Variants in KCTD16 observed in about 807,000 individuals in gnomAD.
KCTD16 encodes potassium channel tetramerization domain containing 16.
A neutral mutation model predicts 33.2 loss-of-function variants in KCTD16; 13 were observed. The observed-to-expected ratio is 0.39, with a 90% CI of 0.25 to 0.62. The LOEUF (loss-of-function observed/expected upper bound fraction) is 0.62, where lower values mean the gene tolerates loss of function less well. Among genes scored for constraint, KCTD16 ranks in the 20% least tolerant of loss-of-function variants. The pLI, the probability that KCTD16 is intolerant of heterozygous loss-of-function variation, is 0.50. For missense variants in KCTD16, 441 were observed against 525.1 expected (o/e 0.84, Z 1.57); for synonymous variants, 197 against 195.3 (o/e 1.01, Z -0.07).
intron 3 of KCTD16, among the ~76,000 whole-genome samples, chr5:144,231,683 G>A (rs1054601867): frequency 3.9e-5 from 6 of 152,132 alleles, no homozygotes; most frequent in African/African-American, 1.4e-4. Flanking sequence ...CTGTTCTCAT[G>A]ATAGTGAATT....
chr5:144,415,996 A>G (rs1753045437), intron 3 of KCTD16, among the ~76,000 whole-genome samples: 1 of 152,218 alleles, frequency 6.6e-6, no homozygotes, highest in Admixed American at 6.5e-5. Context: ...CTTACAGTGT[A>G]GAATGGGTGA....
intron 3 of KCTD16, among the ~76,000 whole-genome samples, chr5:144,389,339 C>T (rs908700102): frequency 6.6e-6 from 1 of 152,116 alleles, no homozygotes; most frequent in Non-Finnish European, 1.5e-5. Flanking sequence ...CCATCACTTG[C>T]ACCCCTGCCT....
chr5:144,187,792 G>A (rs758560513), intron 2 of KCTD16, among the ~76,000 whole-genome samples: 7 of 152,140 alleles, frequency 4.6e-5, no homozygotes, highest in Non-Finnish European at 8.8e-5. Context: ...AGATGTCTTA[G>A]GTTGTGTTAA....
intron 3 of KCTD16, among the ~76,000 whole-genome samples, chr5:144,310,018 G>C (rs759285024): frequency 2.0e-5 from 3 of 148,834 alleles, no homozygotes; most frequent in Non-Finnish European, 4.4e-5. Context: ...TTTGTTTTAA[G>C]CCAGCAGAAA....
At chr5:144,271,766 C>CAG (rs1755300938) in intron 3 of KCTD16, among the ~76,000 whole-genome samples, 1 of 94,350 alleles carries the variant, frequency 1.1e-5, no homozygotes, top group African/African-American at 3.1e-5. Context: ...AAACTACACA[C>CAG]ACACACACAC....
chr5:144,455,620 C>G (rs1288883219), intron 3 of KCTD16, among the ~76,000 whole-genome samples: 2 of 152,030 alleles, frequency 1.3e-5, no homozygotes, highest in Non-Finnish European at 2.9e-5. Flanking sequence ...AGAGTTGGGA[C>G]TGAAGGATGG....
At chr5:144,397,129 T>C (rs1752587353) in intron 3 of KCTD16, among the ~76,000 whole-genome samples, 1 of 132,840 alleles carries the variant, frequency 7.5e-6, no homozygotes, top group African/African-American at 2.8e-5. Flanking sequence ...TGTGTCCAAG[T>C]GTTCTCATTG....
chr5:144,264,859 C>T (rs1341536318), intron 3 of KCTD16, among the ~76,000 whole-genome samples: 1 of 152,164 alleles, frequency 6.6e-6, no homozygotes, highest in Admixed American at 6.5e-5. Flanking sequence ...TTAGTCAAAA[C>T]TCATATACAT....
intron 3 of KCTD16, among the ~76,000 whole-genome samples, chr5:144,434,099 G>T (rs2126971437): frequency 6.6e-6 from 1 of 152,262 alleles, no homozygotes; most frequent in African/African-American, 2.4e-5. Flanking sequence ...TGAAACTAAA[G>T]GATCCACTGA....
chr5:144,299,704 T>C (rs1561559118), intron 3 of KCTD16, among the ~76,000 whole-genome samples: 1 of 152,178 alleles, frequency 6.6e-6, no homozygotes. Context: ...TGTAACTTAA[T>C]GAAAGCAACA....
intron 3 of KCTD16, among the ~76,000 whole-genome samples, chr5:144,304,529 G>C (rs528317818): frequency 1.3e-5 from 2 of 152,170 alleles, no homozygotes; most frequent in Non-Finnish European, 2.9e-5. Context: ...GCTTAATTAC[G>C]CTTCACAGAC....
intron 3 of KCTD16, among the ~76,000 whole-genome samples, chr5:144,242,148 T>TA (rs146023971): frequency 0.011 from 1,705 of 152,230 alleles, 33 homozygotes; most frequent in African/African-American, 0.038. Context: ...AGCTTATTAT[T>TA]TTTAAGTATG....
chr5:144,440,668 CT>C (rs1480469073), intron 3 of KCTD16, among the ~76,000 whole-genome samples: 1 of 145,482 alleles, frequency 6.9e-6, no homozygotes. Flanking sequence ...CCTATCTCTA[CT>C]GAAAAAAAAA....
At chr5:144,191,410 C>T (rs543222146) in intron 2 of KCTD16, among the ~76,000 whole-genome samples, 1 of 152,318 alleles carries the variant, frequency 6.6e-6, no homozygotes, top group African/African-American at 2.4e-5. Flanking sequence ...GGATAATTGA[C>T]TGTTCTTTTC....
intron 3 of KCTD16, among the ~76,000 whole-genome samples, chr5:144,436,706 C>T (rs528205874): frequency 1.3e-5 from 2 of 151,632 alleles, no homozygotes; most frequent in South Asian, 2.1e-4. Context: ...TTCTGCCTCA[C>T]CCTCCTGAGT....
At chr5:144,447,593 A>G (rs369242555) in intron 3 of KCTD16, among the ~76,000 whole-genome samples, 46 of 152,166 alleles carry the variant, frequency 3.0e-4, no homozygotes, top group African/African-American at 1.0e-3. Flanking sequence ...AAGAAAATGC[A>G]TGGAATTTAC....
In KCTD16 at chr5:144,194,307, A is replaced by G. The variant is rs564911831; in HGVS notation, c.-326-12082A>G. On this transcript the variant is annotated intron_variant, in intron 2 of 3. Transcript: ENST00000512467. ...ACACTGATAACTTGTCAAGTAGAAAATGTGTTATCCATGCGGGAAACATTA... is the reference window on the plus strand; with the variant it reads ...ACACTGATAACTTGTCAAGTAGAAAGTGTGTTATCCATGCGGGAAACATTA... Among the ~76,000 whole-genome samples, 103 of 152,326 alleles carry G rather than the reference A, an allele frequency of 6.8e-4. 3 individuals carry two copies. The highest frequency in any genetic ancestry group is 2.5e-3 in the African/African-American group (102 of 41,566).
chr5:144,365,437 A>AGG (rs1751811462), intron 3 of KCTD16, among the ~76,000 whole-genome samples: 1 of 151,986 alleles, frequency 6.6e-6, no homozygotes, highest in East Asian at 1.9e-4. Flanking sequence ...AGAGAGAGAG[A>AGG]AAGAGAGAGA....
chr5:144,395,540 T>C (rs1157713617), intron 3 of KCTD16, among the ~76,000 whole-genome samples: 1 of 152,190 alleles, frequency 6.6e-6, no homozygotes, highest in Non-Finnish European at 1.5e-5. Flanking sequence ...CTGGGCCAGC[T>C]GCCTGCAGGA....
Sources: allele counts gnomAD v4.1 joint callset (sites outside exome capture counted in the v4.1 genomes callset), GRCh38; gene constraint gnomAD v4.1.1; transcripts MANE v1.5; gene names NCBI Gene and HGNC (gene_info 2026-07-23, HGNC 2026-07-21).